The following BBOX1 variants were observed in gnomAD, a reference collection of about 807,000 sequenced individuals.
BBOX1 encodes the protein gamma-butyrobetaine dioxygenase.
BBOX1 carries 35 observed loss-of-function variants against 41.6 expected under a neutral mutation model. The observed-to-expected ratio is 0.84, with a 90% CI of 0.64 to 1.11. The LOEUF is 1.11. Ranked by LOEUF, BBOX1 falls within the 50% of genes most tolerant of loss-of-function variation. BBOX1 has a pLI of 0.00. For missense variants in BBOX1, 458 were observed against 460.6 expected (o/e 0.99, Z 0.05); for synonymous variants, 163 against 154.7 (o/e 1.05, Z -0.40).
At chr11:27,069,386 G>GTA (rs144914621) in intron 4 of BBOX1, among the ~76,000 whole-genome samples, 5 of 53,708 alleles carry the variant, frequency 9.3e-5, no homozygotes, top group Admixed American at 3.0e-4. Flanking sequence ...GTTATTGTTG[G>GTA]TATAGTAGTG....
chr11:27,092,755 G>C (rs539744832), intron 4 of BBOX1, among the ~76,000 whole-genome samples: 1 of 151,788 alleles, frequency 6.6e-6, no homozygotes, highest in South Asian at 2.1e-4. Context: ...GACATATGCT[G>C]TTCTAATCTA....
Position 27,099,586 on chromosome 11 carries a change from G to T in BBOX1, c.533+6220G>T, listed in dbSNP as rs993816164. Among the ~76,000 whole-genome samples, 3 of 152,070 alleles carry T rather than the reference G, an allele frequency of 2.0e-5. No homozygotes were observed. In the East Asian group the frequency reaches 5.8e-4, roughly 29 times the overall value. Reference sequence around the variant, plus strand: ...GAAACTTTACGCCCAAAACGTTTAGGAAGAATTGGGGACCCAGTGCCCCCC... The same window carrying T: ...GAAACTTTACGCCCAAAACGTTTAGTAAGAATTGGGGACCCAGTGCCCCCC... On this transcript the variant is annotated intron_variant, in intron 5 of 8. Transcript: ENST00000263182.
chr11:27,042,145 A>G (rs1851362479), intron 2 of BBOX1, among the ~76,000 whole-genome samples: 1 of 152,190 alleles, frequency 6.6e-6, no homozygotes, highest in African/African-American at 2.4e-5. Flanking sequence ...CTAAAATCTA[A>G]ACCCAGTACT....
At chr11:27,084,177 GA>G (rs1412857317) in intron 4 of BBOX1, among the ~76,000 whole-genome samples, 1 of 152,140 alleles carries the variant, frequency 6.6e-6, no homozygotes, top group African/African-American at 2.4e-5. Flanking sequence ...CCCCAAGTAG[GA>G]AACCTCTAAG....
intron 4 of BBOX1, among the ~76,000 whole-genome samples, chr11:27,083,204 A>G (rs1857912830): frequency 6.6e-6 from 1 of 152,164 alleles, no homozygotes; most frequent in African/African-American, 2.4e-5. Context: ...TCATTAGGAA[A>G]TAAACAAAGA....
At chr11:27,103,783 T>C (rs1376259105) in intron 5 of BBOX1, among the ~76,000 whole-genome samples, 2 of 152,106 alleles carry the variant, frequency 1.3e-5, no homozygotes, top group East Asian at 3.9e-4. Flanking sequence ...TGCCTGTCTG[T>C]AGGTATGCTA....
intron 5 of BBOX1, among the ~76,000 whole-genome samples, chr11:27,098,796 G>A (rs1858538833): frequency 6.6e-6 from 1 of 151,856 alleles, no homozygotes; most frequent in African/African-American, 2.4e-5. Context: ...AGACTTGGTG[G>A]GAAGGGTACA....
At chr11:27,120,369 T>C (rs2134106640) in intron 7 of BBOX1, among the ~76,000 whole-genome samples, 1 of 152,254 alleles carries the variant, frequency 6.6e-6, no homozygotes, top group East Asian at 1.9e-4. Context: ...CAATCCCTAA[T>C]TTCTGTCCAA....
chr11:27,049,143 G>C (rs1245836167), intron 2 of BBOX1, among the ~76,000 whole-genome samples: 1 of 151,628 alleles, frequency 6.6e-6, no homozygotes, highest in African/African-American at 2.4e-5. Context: ...TTTGGGGGGG[G>C]GGAACTTCTG....
chr11:27,086,158 T>C (rs1237609128), intron 4 of BBOX1, among the ~76,000 whole-genome samples: 1 of 152,122 alleles, frequency 6.6e-6, no homozygotes, highest in Admixed American at 6.6e-5. Context: ...CTGGAAGATC[T>C]AGCTAAGATC....
chr11:27,066,813 G>A (rs1282421922), intron 4 of BBOX1, among the ~76,000 whole-genome samples: 1 of 151,968 alleles, frequency 6.6e-6, no homozygotes, highest in Non-Finnish European at 1.5e-5. Flanking sequence ...TTCTGGCTTA[G>A]CAAATTAAAT....
At chr11:27,056,908 T>C (rs1436486624) in intron 3 of BBOX1, among the ~76,000 whole-genome samples, 3 of 149,258 alleles carry the variant, frequency 2.0e-5, no homozygotes, top group Non-Finnish European at 4.5e-5. Context: ...TCAACTAAAA[T>C]ACAAAAAATT....
chr11:27,045,684 A>G (rs895495463), intron 2 of BBOX1, among the ~76,000 whole-genome samples: 1 of 152,112 alleles, frequency 6.6e-6, no homozygotes, highest in African/African-American at 2.4e-5. Context: ...CCTGAGAAAG[A>G]GATGAAAATT....
At chr11:27,060,673 C>A (rs1455382913) in intron 4 of BBOX1, among the ~76,000 whole-genome samples, 1 of 152,118 alleles carries the variant, frequency 6.6e-6, no homozygotes, top group Non-Finnish European at 1.5e-5. Context: ...CAACTTGAAC[C>A]AAATAGGTTC....
intron 7 of BBOX1, among the ~76,000 whole-genome samples, chr11:27,120,322 A>C (rs1344981891): frequency 6.6e-6 from 1 of 152,144 alleles, no homozygotes; most frequent in African/African-American, 2.4e-5. Flanking sequence ...ATCACACCAC[A>C]AACAATGCTT....
intron 4 of BBOX1, 111 bp downstream of exon 4, chr11:27,057,426 G>A: frequency 2.4e-6 from 2 of 819,220 alleles, no homozygotes; most frequent in African/African-American, 1.8e-5. Flanking sequence ...TAAAATATGT[G>A]ACATGTAAAT....
chr11:27,104,526 C>T (rs1447479323), intron 5 of BBOX1, among the ~76,000 whole-genome samples: 2 of 152,114 alleles, frequency 1.3e-5, no homozygotes, highest in Admixed American at 6.6e-5. Flanking sequence ...TCATTTAAAC[C>T]TCTCTCTTTA....
At chr11:27,089,914 C>A (rs1339242241) in intron 4 of BBOX1, among the ~76,000 whole-genome samples, 1 of 152,080 alleles carries the variant, frequency 6.6e-6, no homozygotes, top group African/African-American at 2.4e-5. Flanking sequence ...CATTTATCAT[C>A]CTCTTCCTGC....
chr11:27,076,461 T>G (rs955737812), intron 4 of BBOX1, among the ~76,000 whole-genome samples: 2 of 152,192 alleles, frequency 1.3e-5, no homozygotes, highest in African/African-American at 4.8e-5. Context: ...TCTTGAGCAC[T>G]GTGTTATTCT....
Sources: gnomAD v4.1 joint callset for allele counts (sites outside exome capture counted in the v4.1 genomes callset) on GRCh38, gnomAD v4.1.1 for gene constraint, MANE v1.5 for transcripts, NCBI Gene and HGNC (gene_info 2026-07-23, HGNC 2026-07-21) for gene names.